The following SV2C variants were observed in gnomAD, a reference collection of about 807,000 sequenced individuals.
SV2C encodes the protein solute carrier family 22 member B3.
SV2C carries 49 observed loss-of-function variants against 79.7 expected under a neutral mutation model. That is an observed-to-expected ratio of 0.61 (90% CI 0.49 to 0.78). The LOEUF is 0.78. Among genes scored for constraint, SV2C ranks in the 30% least tolerant of loss-of-function variants. The pLI, the probability that SV2C is intolerant of heterozygous loss-of-function variation, is 0.00. For missense variants in SV2C, 833 were observed against 912.9 expected, an observed-to-expected ratio of 0.91 and a Z score of 1.13; for synonymous variants, 334 against 333.2, an observed-to-expected ratio of 1.00 and a Z score of -0.03.
intron 1 of SV2C, among the ~76,000 whole-genome samples, chr5:76,089,996 G>A (rs1450997238): frequency 1.3e-5 from 2 of 152,172 alleles, no homozygotes; most frequent in African/African-American, 4.8e-5. Flanking sequence ...TGTAAAATGA[G>A]AGGATACCTT....
chr5:75,857,048 C>T, the SV2C span, among the ~76,000 whole-genome samples: 2 of 151,298 alleles, frequency 1.3e-5, no homozygotes, highest in Non-Finnish European at 2.9e-5. Context: ...CCTCTGCCTC[C>T]CGGATTCAAG....
the SV2C span, among the ~76,000 whole-genome samples, chr5:75,949,932 G>T: frequency 1.3e-5 from 2 of 152,048 alleles, no homozygotes; most frequent in South Asian, 4.1e-4. Context: ...ATTGGATATT[G>T]TTGTAAGAAA....
intron 12 of SV2C, among the ~76,000 whole-genome samples, chr5:76,323,315 G>T (rs1178125439): frequency 1.3e-5 from 2 of 152,200 alleles, no homozygotes; most frequent in Non-Finnish European, 2.9e-5. Flanking sequence ...ATAGAGAAAT[G>T]AAAATCAAAA....
intron 4 of SV2C, among the ~76,000 whole-genome samples, chr5:76,273,049 T>A (rs954786562): frequency 5.3e-5 from 8 of 151,298 alleles, no homozygotes; most frequent in Non-Finnish European, 1.5e-5. Flanking sequence ...TGACTTAACA[T>A]GCATTTATGA....
intron 1 of SV2C, among the ~76,000 whole-genome samples, chr5:76,118,983 A>AAAAAG (rs1249773656): frequency 2.6e-5 from 4 of 152,198 alleles, no homozygotes; most frequent in Non-Finnish European, 4.4e-5. Flanking sequence ...ACCCTGTCTT[A>AAAAAG]AAAAGAAAAG....
chr5:75,929,682 A>G, the SV2C span, among the ~76,000 whole-genome samples: 1 of 152,168 alleles, frequency 6.6e-6, no homozygotes, highest in Non-Finnish European at 1.5e-5. Context: ...TTGGGTTGCA[A>G]CATTACACAA....
At chr5:75,972,213 C>G in the SV2C span, among the ~76,000 whole-genome samples, 70 of 152,146 alleles carry the variant, frequency 4.6e-4, no homozygotes, top group Non-Finnish European at 8.8e-4. Context: ...GACCTAAAAC[C>G]ATGAAAACCC....
At chr5:75,999,080 C>G in the SV2C span, among the ~76,000 whole-genome samples, 1 of 151,972 alleles carries the variant, frequency 6.6e-6, no homozygotes, top group Non-Finnish European at 1.5e-5. Context: ...AGAACGTGTG[C>G]AAGGGAACTC....
chr5:76,212,910 G>A (rs886501972), intron 4 of SV2C, among the ~76,000 whole-genome samples: 1 of 152,068 alleles, frequency 6.6e-6, no homozygotes, highest in Non-Finnish European at 1.5e-5. Context: ...TTTTTCCAAA[G>A]TACACTTAAG....
At chr5:76,306,618 G>A (rs1416922603) in intron 12 of SV2C, among the ~76,000 whole-genome samples, 1 of 152,064 alleles carries the variant, frequency 6.6e-6, no homozygotes, top group South Asian at 2.1e-4. Flanking sequence ...TCAGGGAGAA[G>A]GTTAAAAGAA....
At chr5:76,186,506 A>T (rs1743922375) in intron 2 of SV2C, among the ~76,000 whole-genome samples, 1 of 152,154 alleles carries the variant, frequency 6.6e-6, no homozygotes, top group South Asian at 2.1e-4. Context: ...AGCCTGGCCA[A>T]CATGGTGAAA....
intron 12 of SV2C, among the ~76,000 whole-genome samples, chr5:76,321,952 C>T (rs1748843251): frequency 6.6e-6 from 1 of 152,052 alleles, no homozygotes; most frequent in South Asian, 2.1e-4. Flanking sequence ...GACTTGATTT[C>T]CCAAATGTTA....
At chr5:76,147,196 T>A (rs1343983205) in intron 2 of SV2C, among the ~76,000 whole-genome samples, 1 of 152,166 alleles carries the variant, frequency 6.6e-6, no homozygotes, top group African/African-American at 2.4e-5. Context: ...TCAAAATAAT[T>A]AAAATGGAAA....
chr5:76,299,573 C>T (rs143188698), intron 10 of SV2C, among the ~76,000 whole-genome samples: 1 of 152,172 alleles, frequency 6.6e-6, no homozygotes, highest in Non-Finnish European at 1.5e-5. Flanking sequence ...TTTCCCACTC[C>T]CAAACATTGG....
chr5:76,342,755 T>C (rs1408236504), intron 12 of SV2C, among the ~76,000 whole-genome samples: 1 of 152,240 alleles, frequency 6.6e-6, no homozygotes, highest in Non-Finnish European at 1.5e-5. Context: ...TTATTTGGGA[T>C]ATTCTTGTTT....
At chr5:75,899,816 T>C in the SV2C span, among the ~76,000 whole-genome samples, 9,411 of 152,182 alleles carry the variant, frequency 0.062, 337 homozygotes, top group Admixed American at 0.085. Context: ...TTTATCAGTA[T>C]GTAATGGCCT....
intron 2 of SV2C, among the ~76,000 whole-genome samples, chr5:76,184,749 C>T (rs1188705999): frequency 6.6e-6 from 1 of 152,176 alleles, no homozygotes; most frequent in Admixed American, 6.5e-5. Flanking sequence ...ACCCTTGACA[C>T]GTGGGGATTA....
At chr5:75,911,268 C>T in the SV2C span, 1 of 1,468,384 alleles carries the variant, frequency 6.8e-7, no homozygotes, top group Admixed American at 1.7e-5. Context: ...TCCCTAGCTC[C>T]CCAGCTCCAT....
intron 2 of SV2C, chr5:76,174,177 C>G: frequency 6.2e-7 from 1 of 1,612,502 alleles, no homozygotes; most frequent in Non-Finnish European, 8.5e-7. Flanking sequence ...AGCTTATACT[C>G]ACGCATGATG....
Sources: gnomAD v4.1 joint callset for allele counts (sites outside exome capture counted in the v4.1 genomes callset) on GRCh38, gnomAD v4.1.1 for gene constraint, MANE v1.5 for transcripts, NCBI Gene and HGNC (gene_info 2026-07-23, HGNC 2026-07-21) for gene names.